The following C6 variants were observed in gnomAD, a reference collection of about 807,000 sequenced individuals.
C6 encodes complement component C6.
C6 carries 101 observed loss-of-function variants against 112.9 expected under a neutral mutation model. The ratio of observed to expected loss-of-function variants is 0.89; its 90% CI spans 0.76 to 1.06. The LOEUF is 1.06. Ranked by LOEUF, C6 falls within the 50% of genes least tolerant of loss-of-function variation. The probability of loss-of-function intolerance (pLI) is 0.00; values close to 1 mark genes in which losing one functional copy is unlikely to be tolerated. For missense variants in C6, 1,202 were observed against 1,104.6 expected (o/e 1.09, Z -1.25); for synonymous variants, 431 against 384.1 (o/e 1.12, Z -1.43).
intron 13 of C6, among the ~76,000 whole-genome samples, chr5:41,157,751 G>T (rs1218672129): frequency 6.6e-6 from 1 of 152,150 alleles, no homozygotes; most frequent in African/African-American, 2.4e-5. Flanking sequence ...CGAGGAGTGA[G>T]ACCCAATGAT....
intron 4 of C6, 150 bp downstream of exon 4, chr5:41,199,618 G>A (rs1750856350): frequency 1.2e-6 from 1 of 806,754 alleles, no homozygotes; most frequent in Non-Finnish European, 2.2e-6. Flanking sequence ...GGAATATCTT[G>A]GGAATTGGCA....
chr5:41,155,524 C>T (rs1746813813), intron 13 of C6, among the ~76,000 whole-genome samples: 3 of 151,882 alleles, frequency 2.0e-5, no homozygotes, highest in Admixed American at 2.0e-4. Context: ...CCACAAAATA[C>T]AAAAATACAA....
At chr5:41,160,102 G>T in intron 11 of C6, 40 bp downstream of exon 11, 1 of 1,510,280 alleles carries the variant, frequency 6.6e-7, no homozygotes, top group Non-Finnish European at 9.2e-7. Context: ...TCTTTGGAGG[G>T]GAAAACTTAT....
Position 41,142,799 on chromosome 5 carries a change from T to C in C6, c.*26A>G, listed in dbSNP as rs781217796. 8 of 1,581,166 alleles carry C rather than the reference T, an allele frequency of 5.1e-6. No homozygotes were observed. The Admixed American group carries it at 8.4e-5, about 17-fold the overall frequency. ...TTCTTCGGGATGGTAAATCTGTTCA[T>C]TGTGCTGGGCCTAGCAGTAATTGTG... is the stretch of plus-strand genomic sequence containing the variant. On this transcript the variant is annotated 3_prime_UTR_variant, in exon 18 of 18. Coordinates refer to ENST00000337836, the MANE Select transcript of C6 (RefSeq NM_000065.5).
chr5:41,154,082 G>A (rs1425296402), intron 14 of C6, 84 bp from the exon 15 acceptor site: 1 of 1,143,076 alleles, frequency 8.7e-7, no homozygotes, highest in Non-Finnish European at 1.3e-6. Context: ...CCAAAGAGGT[G>A]ATTTTGATGA....
At chr5:41,216,940 A>G (rs1359988629), upstream of C6, among the ~76,000 whole-genome samples, 1 of 152,082 alleles carries the variant, frequency 6.6e-6, no homozygotes, top group Non-Finnish European at 1.5e-5. Context: ...GGAAACCTTG[A>G]GCAATTTTAT....
At chr5:41,160,453 G>A in intron 10 of C6, 86 bp from the exon 11 acceptor site, 1 of 1,047,210 alleles carries the variant, frequency 9.5e-7, no homozygotes, top group Non-Finnish European at 1.5e-6. Flanking sequence ...GAAATGAGAG[G>A]GAAAGCCTGA....
At chr5:41,190,931 TG>T (rs1476275086) in intron 5 of C6, among the ~76,000 whole-genome samples, 1 of 152,200 alleles carries the variant, frequency 6.6e-6, no homozygotes, top group Non-Finnish European at 1.5e-5. Flanking sequence ...GTTTTATTTC[TG>T]GGTTCTGTAT....
In C6 at chr5:41,199,804, C is replaced by T; in HGVS notation, c.409G>A (p.Glu137Lys). 1 of 1,613,800 alleles carries T rather than the reference C, an allele frequency of 6.2e-7. No individual in the cohort carries two copies. The highest frequency in any genetic ancestry group is 8.5e-7 in the Non-Finnish European group (1 of 1,179,734). ...CIPSKLCKIE[E>K]ADCKNKFRCD... ...CGAAATTTATTCTTGCAGTCAGCCT[C>T]TTCAATTTTGCAGAGCTTAGATGGA... Residue 137 changes from glutamate to lysine, a missense_variant, in exon 4 of 18, where the codon GAG (glutamate) becomes AAG (lysine). Coordinates refer to ENST00000337836, the MANE Select transcript of C6 (RefSeq NM_000065.5).
chr5:41,161,747 T>C lies in C6; in HGVS notation c.1404A>G (p.Thr468=), dbSNP rs756516662. ...EKGSSGLEEK[T]FSEWLESVKE... Reference sequence around the variant, plus strand: ...TCACTGATTCTAACCACTCAGAAAATGTCTTCTCCTCCAGACCAGAGCTCC... The same window carrying C: ...TCACTGATTCTAACCACTCAGAAAACGTCTTCTCCTCCAGACCAGAGCTCC... The change falls in exon 10 of 18, where the codon ACA becomes ACG. Residue 468 remains threonine, a synonymous_variant. Coordinates refer to ENST00000337836, the MANE Select transcript of C6 (RefSeq NM_000065.5). 2.0e-5 allele frequency: 33 copies of C among 1,613,552 alleles called. No homozygotes were observed. Among genetic ancestry groups the C allele is most frequent in the Non-Finnish European group, 2.5e-5 (30 of 1,179,704 alleles).
At chr5:41,201,499 A>G (rs1446243688) in intron 3 of C6, 59 bp downstream of exon 3, 9 of 1,494,544 alleles carry the variant, frequency 6.0e-6, no homozygotes, top group Middle Eastern at 1.7e-4. Context: ...TAAGCCTGTC[A>G]GGGAATCAGA....
upstream of C6, among the ~76,000 whole-genome samples, chr5:41,218,145 T>G (rs1738902952): frequency 3.3e-5 from 5 of 152,266 alleles, no homozygotes; most frequent in South Asian, 1.0e-3. Context: ...TTTCAAGAAC[T>G]TCACCTCATA....
intron 1 of C6, among the ~76,000 whole-genome samples, chr5:41,249,676 T>C (rs976905294): frequency 7.9e-5 from 12 of 152,216 alleles, no homozygotes; most frequent in Non-Finnish European, 1.5e-4. Flanking sequence ...ATTTGAGCTC[T>C]CCCTTGCTGA....
At chr5:41,165,602 C>T (rs1300854017) in intron 9 of C6, among the ~76,000 whole-genome samples, 1 of 152,036 alleles carries the variant, frequency 6.6e-6, no homozygotes, top group Non-Finnish European at 1.5e-5. Flanking sequence ...TTTACAATTT[C>T]AACTACAATT....
chr5:41,184,285 G>T (rs1446144588), intron 6 of C6, among the ~76,000 whole-genome samples: 1 of 152,104 alleles, frequency 6.6e-6, no homozygotes, highest in African/African-American at 2.4e-5. Context: ...TTATGAAGGT[G>T]CTCAGACTTT....
intron 9 of C6, among the ~76,000 whole-genome samples, chr5:41,171,417 T>C (rs1748414989): frequency 6.6e-6 from 1 of 152,156 alleles, no homozygotes; most frequent in Non-Finnish European, 1.5e-5. Flanking sequence ...ACAGTCCTAC[T>C]GGGCTATAAT....
At chr5:41,224,197 A>C (rs902881740) in intron 1 of C6, among the ~76,000 whole-genome samples, 14 of 152,184 alleles carry the variant, frequency 9.2e-5, no homozygotes, top group Admixed American at 9.2e-4. Context: ...AGAATACTAA[A>C]TGTGCTGTCA....
At chr5:41,214,728 C>T (rs778818807), upstream of C6, among the ~76,000 whole-genome samples, 14 of 152,046 alleles carry the variant, frequency 9.2e-5, no homozygotes, top group Non-Finnish European at 1.5e-4. Context: ...CTTTGAGGTC[C>T]TAAAATAAAA....
At chr5:41,195,445 C>G (rs986405999) in intron 5 of C6, among the ~76,000 whole-genome samples, 1 of 152,144 alleles carries the variant, frequency 6.6e-6, no homozygotes, top group Non-Finnish European at 1.5e-5. Flanking sequence ...GGCCTACCTC[C>G]AGGACCCCAC....
Sources: gnomAD v4.1 joint callset for allele counts (sites outside exome capture counted in the v4.1 genomes callset) on GRCh38, gnomAD v4.1.1 for gene constraint, MANE v1.5 for transcripts, NCBI Gene and HGNC (gene_info 2026-07-23, HGNC 2026-07-21) for gene names.